The following KIZ variants were observed in gnomAD, a reference collection of about 807,000 sequenced individuals.
The protein encoded by KIZ is centrosomal protein kizuna.
A neutral mutation model predicts 79.6 loss-of-function variants in KIZ; 68 were observed. The ratio of observed to expected loss-of-function variants is 0.85; its 90% CI spans 0.70 to 1.05. KIZ has a LOEUF of 1.05. KIZ is among the 50% of genes least tolerant of loss of function. The pLI, the probability that KIZ is intolerant of heterozygous loss-of-function variation, is 0.00. For synonymous variants in KIZ, 280 were observed against 281.8 expected, an observed-to-expected ratio of 0.99 and a Z score of 0.06; for missense variants, 797 against 800.4, an observed-to-expected ratio of 1.00 and a Z score of 0.05.
At chr20:21,164,204 A>ATT (rs1235284706) in intron 6 of KIZ, among the ~76,000 whole-genome samples, 1 of 152,202 alleles carries the variant, frequency 6.6e-6, no homozygotes, top group Non-Finnish European at 1.5e-5. Flanking sequence ...TTAGAACACC[A>ATT]TTGTACCTTT....
intron 4 of KIZ, among the ~76,000 whole-genome samples, chr20:21,161,279 TTA>T (rs1457956481): frequency 6.6e-6 from 1 of 152,206 alleles, no homozygotes; most frequent in Non-Finnish European, 1.5e-5. Flanking sequence ...ATTATGTGGG[TTA>T]TATTTTCACT....
intron 6 of KIZ, among the ~76,000 whole-genome samples, chr20:21,171,497 T>C (rs2034203326): frequency 6.6e-6 from 1 of 152,224 alleles, no homozygotes; most frequent in Non-Finnish European, 1.5e-5. Context: ...CAGGCTGGAA[T>C]GCAGTGGTGT....
At chr20:21,149,618 T>G (rs1170673802) in intron 4 of KIZ, among the ~76,000 whole-genome samples, 1 of 152,160 alleles carries the variant, frequency 6.6e-6, no homozygotes, top group Non-Finnish European at 1.5e-5. Context: ...GCAGTGCCAC[T>G]GCAGGAGAGG....
rs11696454 is a variant in KIZ at position 21,244,626 on chromosome 20, C to T, written c.1924+338C>T. Reference sequence around the variant, plus strand: ...CCTCTCTCCTCATCCTCAGAAGCACCCATTGCTCATGACCGGACAGGCTCT... The same window carrying T: ...CCTCTCTCCTCATCCTCAGAAGCACTCATTGCTCATGACCGGACAGGCTCT... On this transcript the variant is annotated intron_variant, in intron 12 of 12. Transcript: ENST00000619189. The T allele has an allele frequency of 1.3e-3, 335 of 266,650 alleles. 1 individual carries two copies. Among genetic ancestry groups the T allele is most frequent in the Non-Finnish European group, 2.0e-3 (279 of 141,872 alleles). 16.5% of individuals were successfully genotyped at this position (266,650 alleles called of 1,614,324 possible).
At chr20:21,242,475 G>A (rs2037250436) in intron 11 of KIZ, among the ~76,000 whole-genome samples, 1 of 151,814 alleles carries the variant, frequency 6.6e-6, no homozygotes, top group African/African-American at 2.4e-5. Context: ...AGAGAGAGAA[G>A]CAAGAGCTGA....
chr20:21,158,290 T>C (rs2033481331), intron 4 of KIZ: 2 of 152,212 alleles, frequency 1.3e-5, no homozygotes, highest in African/African-American at 4.8e-5. Context: ...TATGGTATAA[T>C]GGAAAATTCT....
chr20:21,186,515 A>G (rs1359305161), intron 6 of KIZ, among the ~76,000 whole-genome samples: 1 of 151,162 alleles, frequency 6.6e-6, no homozygotes, highest in African/African-American at 2.4e-5. Context: ...GTTCCCAGCT[A>G]CTTCCATACT....
At chr20:21,201,495 T>C (rs989056048) in intron 6 of KIZ, among the ~76,000 whole-genome samples, 8 of 152,206 alleles carry the variant, frequency 5.3e-5, no homozygotes, top group Middle Eastern at 3.2e-3. Flanking sequence ...CGGCTTTGTA[T>C]TGTTTGGATT....
intron 6 of KIZ, among the ~76,000 whole-genome samples, chr20:21,187,958 ACCC>A (rs2034954436): frequency 6.6e-6 from 1 of 152,068 alleles, no homozygotes; most frequent in Non-Finnish European, 1.5e-5. Flanking sequence ...AGAAAATGAC[ACCC>A]CAAAGGGAAG....
intron 4 of KIZ, chr20:21,151,608 C>T (rs1234361692): frequency 6.6e-6 from 1 of 152,168 alleles, no homozygotes; most frequent in Non-Finnish European, 1.5e-5. Context: ...TTTATAGAAG[C>T]TCCATAGGAG....
chr20:21,213,334 C>T (rs372066070), intron 7 of KIZ, among the ~76,000 whole-genome samples: 1 of 152,228 alleles, frequency 6.6e-6, no homozygotes, highest in Admixed American at 6.5e-5. Context: ...GTGTCTTCAC[C>T]TTGTTTCATG....
chr20:21,136,057 G>A (rs185647757), intron 2 of KIZ, among the ~76,000 whole-genome samples: 2 of 151,992 alleles, frequency 1.3e-5, no homozygotes, highest in African/African-American at 4.8e-5. Context: ...GCCATTCGTC[G>A]AACATGTCCA....
rs1182585307 is a variant in KIZ, at chr20:21,162,308, A to AT, written c.845dup (p.Leu282PhefsTer9). On this transcript the variant is annotated frameshift_variant, in exon 5 of 13. Coordinates refer to ENST00000619189, the MANE Select transcript of KIZ (RefSeq NM_018474.6). LOFTEE classifies it high-confidence loss of function. ...AACTCAATTCCCCGTTACGGGAAAGATTAAGTCCAGAGAACAGAACCACTG... is the reference window on the plus strand; with the variant it reads ...AACTCAATTCCCCGTTACGGGAAAGATTTAAGTCCAGAGAACAGAACCACTG... The AT allele has an allele frequency of 6.2e-7, 1 of 1,613,864 alleles. No homozygotes were observed. Among genetic ancestry groups the AT allele is most frequent in the East Asian group, 2.2e-5 (1 of 44,898 alleles).
At chr20:21,242,437 T>C (rs188004643) in intron 11 of KIZ, among the ~76,000 whole-genome samples, 68 of 151,976 alleles carry the variant, frequency 4.5e-4, no homozygotes, top group Non-Finnish European at 8.5e-4. Flanking sequence ...ACAAGATGAG[T>C]GTGTGTCACC....
chr20:21,149,438 T>A (rs2033005886), intron 4 of KIZ, among the ~76,000 whole-genome samples: 2 of 152,220 alleles, frequency 1.3e-5, no homozygotes, highest in Non-Finnish European at 2.9e-5. Flanking sequence ...AGCGTCCGTT[T>A]CGGTTGGCTT....
At chr20:21,211,335 C>T (rs6137291) in intron 7 of KIZ, among the ~76,000 whole-genome samples, 7,136 of 152,244 alleles carry the variant, frequency 0.047, 457 homozygotes, top group East Asian at 0.23. Context: ...AGTTTGTGCC[C>T]TGGCATTTAA....
chr20:21,201,174 G>A lies in KIZ; in HGVS notation c.1353-4317G>A, dbSNP rs1347371186. Among the ~76,000 whole-genome samples, 8 of 151,998 alleles carry A rather than the reference G, an allele frequency of 5.3e-5. No individual in the cohort carries two copies. In the South Asian group the frequency reaches 1.7e-3, roughly 32 times the overall value. ...AGCCTGGGTGACACAGCAAGATGCTGTCTCAAAAAAAAATAACAAAAAGTC... is the reference window on the plus strand; with the variant it reads ...AGCCTGGGTGACACAGCAAGATGCTATCTCAAAAAAAAATAACAAAAAGTC... On this transcript the variant is annotated intron_variant, in intron 6 of 12. Transcript: ENST00000619189.
chr20:21,219,099 A>G (rs1280896400), intron 9 of KIZ, among the ~76,000 whole-genome samples: 1 of 152,180 alleles, frequency 6.6e-6, no homozygotes, highest in Non-Finnish European at 1.5e-5. Flanking sequence ...TCATACCTTT[A>G]TCAGAATGAG....
chr20:21,227,257 G>A lies in KIZ; in HGVS notation c.1679-1754G>A, dbSNP rs1404633762. On this transcript the variant is annotated intron_variant, in intron 9 of 12. Transcript: ENST00000619189. ...ATCCCCTTCTGATTGCCAGTGACACGTTTTCCTGGTTTCTGAGAAGCAGGA... is the reference window on the plus strand; with the variant it reads ...ATCCCCTTCTGATTGCCAGTGACACATTTTCCTGGTTTCTGAGAAGCAGGA... Among the ~76,000 whole-genome samples, 6 of 152,042 alleles carry A rather than the reference G, an allele frequency of 3.9e-5. No homozygotes were observed. The South Asian group carries it at 6.2e-4, about 16-fold the overall frequency.
Sources: gnomAD v4.1 joint callset for allele counts (sites outside exome capture counted in the v4.1 genomes callset) on GRCh38, gnomAD v4.1.1 for gene constraint, MANE v1.5 for transcripts, NCBI Gene and HGNC (gene_info 2026-07-23, HGNC 2026-07-21) for gene names.